DOCK5: variants seen among roughly 807,000 people sequenced by gnomAD.
DOCK5 encodes dedicator of cytokinesis protein 5.
DOCK5 carries 142 observed loss-of-function variants against 251.8 expected under a neutral mutation model. The observed-to-expected ratio is 0.56, with a 90% CI of 0.49 to 0.65. The LOEUF is 0.65. Among genes scored for constraint, DOCK5 ranks in the 30% least tolerant of loss-of-function variants. The pLI is 0.00. For missense variants in DOCK5, 2,111 were observed against 2,312.3 expected (o/e 0.91, Z 1.79); for synonymous variants, 842 against 835.5 (o/e 1.01, Z -0.13).
chr8:25,257,899 C>G (rs755488995), intron 2 of DOCK5, among the ~76,000 whole-genome samples: 3 of 152,136 alleles, frequency 2.0e-5, no homozygotes, highest in Non-Finnish European at 4.4e-5. Flanking sequence ...GTCATCTCAG[C>G]TTTCTTGACT....
intron 1 of DOCK5, among the ~76,000 whole-genome samples, chr8:25,185,439 G>C (rs1378168508): frequency 1.3e-5 from 2 of 152,168 alleles, no homozygotes; most frequent in African/African-American, 2.4e-5. Flanking sequence ...AGGGTGGAAA[G>C]CCGCCCTGCC....
chr8:25,392,062 G>A, intron 43 of DOCK5, 82 bp downstream of exon 43: 1 of 1,347,702 alleles, frequency 7.4e-7, no homozygotes, highest in African/African-American at 1.5e-5. Flanking sequence ...CCAGCATTCT[G>A]GGAGGCCGAT....
chr8:25,377,222 C>G (rs1370088714), intron 37 of DOCK5, 83 bp from the exon 38 acceptor site: 14 of 1,458,230 alleles, frequency 9.6e-6, no homozygotes, highest in African/African-American at 2.9e-5. Flanking sequence ...ATCAATGAGT[C>G]AAATATATAT....
At chr8:25,230,549 C>T (rs1029480980) in intron 1 of DOCK5, among the ~76,000 whole-genome samples, 9 of 152,074 alleles carry the variant, frequency 5.9e-5, no homozygotes, top group African/African-American at 2.2e-4. Flanking sequence ...ACATTGAATG[C>T]ATGAAGAATA....
chr8:25,192,866 A>G lies in DOCK5; in HGVS notation c.43+7915A>G, dbSNP rs183460508. Among the ~76,000 whole-genome samples the G allele has an allele frequency of 1.3e-4, 20 of 152,166 alleles. No homozygotes were observed. In the East Asian group the frequency reaches 3.1e-3, roughly 24 times the overall value. On this transcript the variant is annotated intron_variant, in intron 1 of 51. Transcript: ENST00000276440. Reference sequence around the variant, plus strand: ...ATATTGTCTGCTTGTTTTCTTTTTTAATTTTAGCAGTTACTGAAAAAGAAA... The same window carrying G: ...ATATTGTCTGCTTGTTTTCTTTTTTGATTTTAGCAGTTACTGAAAAAGAAA...
At position 25,399,941 on chromosome 8, in the gene DOCK5, C is replaced by T. The variant is rs369873888; in HGVS notation, c.4735C>T (p.His1579Tyr). ...AFFTEKYLQE[H>Y]PEDQEKVELL... ...TTTTACAGAAAAGTACTTGCAGGAGCATCCTGAAGACCAGGAGAAGGTTGA... is the reference window on the plus strand; with the variant it reads ...TTTTACAGAAAAGTACTTGCAGGAGTATCCTGAAGACCAGGAGAAGGTTGA... Residue 1579 changes from histidine to tyrosine, a missense_variant, in exon 46 of 52, where the codon CAT becomes TAT. His to Tyr is a moderately conservative substitution (Grantham distance 83). This residue lies in a region of DOCK5 where 1,717 missense variants were observed against 1,892.4 expected (regional missense o/e 0.91). Coordinates refer to ENST00000276440, the MANE Select transcript of DOCK5 (RefSeq NM_024940.8). 3.7e-6 allele frequency: 6 copies of T among 1,613,478 alleles called. No individual in the cohort carries two copies. The African/African-American group carries it at 6.7e-5, about 18-fold the overall frequency.
chr8:25,395,855 A>G, intron 45 of DOCK5, 136 bp downstream of exon 45: 2 of 1,072,084 alleles, frequency 1.9e-6, no homozygotes, highest in Non-Finnish European at 2.8e-6. Context: ...CTGGCAAGTG[A>G]AGTGAATGAA....
intron 1 of DOCK5, among the ~76,000 whole-genome samples, chr8:25,236,378 T>C (rs1802797111): frequency 6.6e-6 from 1 of 152,148 alleles, no homozygotes; most frequent in African/African-American, 2.4e-5. Context: ...GTTATACCTA[T>C]TATTGAATAT....
At chr8:25,361,452 A>T (rs1473384312) in intron 28 of DOCK5, among the ~76,000 whole-genome samples, 1 of 152,066 alleles carries the variant, frequency 6.6e-6, no homozygotes, top group Non-Finnish European at 1.5e-5. Flanking sequence ...TCTACTAAAA[A>T]TACAAAAAAT....
At chr8:25,374,541 C>T (rs764201512) in intron 36 of DOCK5, 23 bp from the exon 37 acceptor site, 12 of 1,584,234 alleles carry the variant, frequency 7.6e-6, no homozygotes, top group African/African-American at 1.4e-5. Context: ...TGACAAAATG[C>T]TTCCTTCTCC....
intron 16 of DOCK5, 122 bp from the exon 17 acceptor site, chr8:25,323,726 C>G: frequency 9.1e-7 from 1 of 1,099,196 alleles, no homozygotes; most frequent in Non-Finnish European, 1.3e-6. Flanking sequence ...GCAGTTTGCT[C>G]AGTTGTGCTT....
intron 17 of DOCK5, 59 bp downstream of exon 17, chr8:25,324,010 T>C (rs778844937): frequency 7.5e-6 from 11 of 1,457,618 alleles, no homozygotes; most frequent in Non-Finnish European, 1.0e-5. Flanking sequence ...CATTTAAGAC[T>C]CCTTTCATAT....
At chr8:25,280,639 C>T (rs1468769085) in intron 5 of DOCK5, among the ~76,000 whole-genome samples, 3 of 152,290 alleles carry the variant, frequency 2.0e-5, no homozygotes, top group Middle Eastern at 3.4e-3. Context: ...GAAGCACTTA[C>T]TGCTAAACTC....
chr8:25,199,618 G>T (rs200244576), intron 1 of DOCK5, among the ~76,000 whole-genome samples: 6 of 152,110 alleles, frequency 3.9e-5, no homozygotes, highest in Non-Finnish European at 8.8e-5. Context: ...CCTGACCTCA[G>T]GTGATCCTCC....
rs148988896 is a variant in DOCK5, at chr8:25,318,272, G to A, written c.1443+1141G>A. On this transcript the variant is annotated intron_variant, in intron 14 of 51. Transcript: ENST00000276440. Reference sequence around the variant, plus strand: ...TCGACTGATTTTTTTTATATTTTTAGTAGAGACGGGGTTTCACTATGTTAG... The same window carrying A: ...TCGACTGATTTTTTTTATATTTTTAATAGAGACGGGGTTTCACTATGTTAG... Among the ~76,000 whole-genome samples, 877 of 149,088 alleles carry A rather than the reference G, an allele frequency of 5.9e-3. 12 individuals are homozygous for A. The highest frequency in any genetic ancestry group is 0.027 in the South Asian group (128 of 4,656).
At chr8:25,332,403 CTAAT>C (rs1805704441) in intron 19 of DOCK5, 55 bp downstream of exon 19, 1 of 1,330,202 alleles carries the variant, frequency 7.5e-7, no homozygotes, top group Non-Finnish European at 1.1e-6. Flanking sequence ...ATATACCTAT[CTAAT>C]TATACCTAAT....
intron 40 of DOCK5, among the ~76,000 whole-genome samples, chr8:25,388,158 A>G (rs1209957688): frequency 6.6e-6 from 1 of 152,116 alleles, no homozygotes; most frequent in Admixed American, 6.5e-5. Context: ...CTTGTTTTTT[A>G]TTCTCTCCTC....
chr8:25,338,087 A>G (rs1181107880), intron 22 of DOCK5, among the ~76,000 whole-genome samples: 1 of 152,058 alleles, frequency 6.6e-6, no homozygotes, highest in East Asian at 1.9e-4. Context: ...TCTGTCACCC[A>G]GGCGAGAGTT....
chr8:25,248,416 G>A (rs1213518455), intron 2 of DOCK5, among the ~76,000 whole-genome samples: 1 of 152,142 alleles, frequency 6.6e-6, no homozygotes, highest in East Asian at 1.9e-4. Context: ...AACACCGACA[G>A]TCCTGCCGGG....
Sources: allele counts gnomAD v4.1 joint callset (sites outside exome capture counted in the v4.1 genomes callset), GRCh38; gene constraint gnomAD v4.1.1; regional missense constraint gnomAD v4.1.1; transcripts MANE v1.5; gene names NCBI Gene and HGNC (gene_info 2026-07-23, HGNC 2026-07-21).